Variants in CCDC102A observed in about 807,000 individuals in gnomAD.
CCDC102A encodes coiled-coil domain-containing protein 102A.
CCDC102A carries 40 observed loss-of-function variants against 55.5 expected under a neutral mutation model. That is an observed-to-expected ratio of 0.72 (90% CI 0.56 to 0.94). The LOEUF (loss-of-function observed/expected upper bound fraction) is 0.94, where lower values mean the gene tolerates loss of function less well. Ranked by LOEUF, CCDC102A falls within the 40% of genes least tolerant of loss-of-function variation. The pLI, the probability that CCDC102A is intolerant of heterozygous loss-of-function variation, is 0.00. For missense variants in CCDC102A, 779 were observed against 768.6 expected, an observed-to-expected ratio of 1.01 and a Z score of -0.16; for synonymous variants, 323 against 339.0, an observed-to-expected ratio of 0.95 and a Z score of 0.52.
Position 57,516,908 on chromosome 16 carries a change from C to G in CCDC102A, c.1249-445G>C, listed in dbSNP as rs1474482479. ...GAAGGGCAGCCAGCAAAAGAGATGC[C>G]CACCCTGGAGCTCTGTGAGTTCTCT... On this transcript the variant is annotated intron_variant, in intron 6 of 8. Transcript: ENST00000258214. This position sits in a 1 kb window ranked among gnomAD's most constrained non-coding sequence, Gnocchi z 4.4. Among the ~76,000 whole-genome samples, 1 of 152,120 alleles carries G rather than the reference C, an allele frequency of 6.6e-6. No homozygotes were observed. The highest frequency in any genetic ancestry group is 1.5e-5 in the Non-Finnish European group (1 of 68,022).
chr16:57,518,812 G>T, intron 4 of CCDC102A, 71 bp from the exon 5 acceptor site: 1 of 1,257,220 alleles, frequency 8.0e-7, no homozygotes, highest in Non-Finnish European at 1.1e-6. Flanking sequence ...CCGGGGGTGG[G>T]CGCCAGTGCA....
chr16:57,522,020 G>A (rs1162823686), intron 3 of CCDC102A, among the ~76,000 whole-genome samples: 1 of 152,214 alleles, frequency 6.6e-6, no homozygotes. Flanking sequence ...CAGGGTGCCT[G>A]ACTCCCTGCA....
chr16:57,526,179 G>T (rs1200853773), intron 2 of CCDC102A, 52 bp from the exon 3 acceptor site: 7 of 1,381,780 alleles, frequency 5.1e-6, no homozygotes, highest in Non-Finnish European at 6.8e-6. Context: ...CCAGGCCCTG[G>T]GTCTGAGATC....
rs903801327 is a variant in CCDC102A at position 57,521,926 on chromosome 16, G to A, written c.813-750C>T. Among the ~76,000 whole-genome samples, 9 of 152,136 alleles carry A rather than the reference G, an allele frequency of 5.9e-5. 1 individual carries two copies. The South Asian group carries it at 8.3e-4, about 14-fold the overall frequency. On this transcript the variant is annotated intron_variant, in intron 3 of 8. Transcript: ENST00000258214. ...ACATGGGGTTCCCAGAGGGGACAAC[G>A]TCACCCTGTAGGAGGCATGTTGAAA...
chr16:57,525,807 C>T, intron 3 of CCDC102A, 94 bp downstream of exon 3: 8 of 1,119,562 alleles, frequency 7.1e-6, no homozygotes, highest in Non-Finnish European at 1.0e-5. Context: ...TAAACACTAC[C>T]TGTCATCTTC....
chr16:57,520,855 G>T (rs2032037087), intron 4 of CCDC102A, among the ~76,000 whole-genome samples: 1 of 150,798 alleles, frequency 6.6e-6, no homozygotes, highest in African/African-American at 2.4e-5. Context: ...CAGGAGAATC[G>T]CTTGAACCCG....
Position 57,528,987 on chromosome 16 carries a change from A to AGCAGCGCGGGCGCGGGGGGCAGGG in CCDC102A, c.167_190dup (p.Pro56_Leu63dup). ...GCGGCTCTCCCAGTCGCCGTCGGCC[A>AGCAGCGCGGGCGCGGGGGGCAGGG]GCAGCGCGGGCGCGGGGGGCAGGGG... On this transcript the variant is annotated inframe_insertion, in exon 2 of 9. Transcript: ENST00000258214. The AGCAGCGCGGGCGCGGGGGGCAGGG allele has an allele frequency of 8.3e-7, 1 of 1,203,580 alleles. No individual in the cohort carries two copies. The allele number at this position is 1,203,580 out of a possible 1,614,324, so 74.6% of individuals were successfully genotyped here. A position where few individuals can be genotyped will look rare whatever the true frequency, so the allele number is the denominator to read the frequency against.
rs1229592138 is a variant in CCDC102A, at chr16:57,516,954, G to A, written c.1249-491C>T. Among the ~76,000 whole-genome samples the A allele has an allele frequency of 1.3e-5, 2 of 152,134 alleles. No individual in the cohort carries two copies. Among genetic ancestry groups the A allele is most frequent in the Non-Finnish European group, 2.9e-5 (2 of 68,026 alleles). On this transcript the variant is annotated intron_variant, in intron 6 of 8. Coordinates refer to ENST00000258214, the MANE Select transcript of CCDC102A (RefSeq NM_033212.4). The surrounding 1 kb of genome is among the most constrained non-coding windows in gnomAD (Gnocchi z 4.4). ...TCTCTAAGCCTCAGTTTCCATTTCTGTAAAATGGGAATAGGCATTGCCTAA... is the reference window on the plus strand; with the variant it reads ...TCTCTAAGCCTCAGTTTCCATTTCTATAAAATGGGAATAGGCATTGCCTAA...
chr16:57,524,943 C>T lies in CCDC102A; in HGVS notation c.812+958G>A, dbSNP rs149782975. Among the ~76,000 whole-genome samples, 1,077 of 152,218 alleles carry T rather than the reference C, an allele frequency of 7.1e-3. 15 individuals carry two copies. Among genetic ancestry groups the T allele is most frequent in the African/African-American group, 0.025 (1,045 of 41,532 alleles). On this transcript the variant is annotated intron_variant, in intron 3 of 8. Transcript: ENST00000258214. ...TTTCTTGTGGTTCCCCTTCCCAGCC[C>T]GGCTCCCTTCTCTTGTCTCCTCTGC...
chr16:57,518,950 A>C (rs1371884521), intron 4 of CCDC102A, among the ~76,000 whole-genome samples: 2 of 152,180 alleles, frequency 1.3e-5, no homozygotes, highest in Non-Finnish European at 2.9e-5. Flanking sequence ...CTAGCCTCCC[A>C]GTGTCTACTC....
intron 2 of CCDC102A, 27 bp downstream of exon 2, chr16:57,528,566 C>A: frequency 8.3e-7 from 1 of 1,208,032 alleles, no homozygotes; most frequent in South Asian, 2.6e-5. Context: ...GAGACTGGAG[C>A]GCGAACGCCC....
Position 57,518,699 on chromosome 16 carries a change from T to C in CCDC102A, c.964A>G (p.Met322Val). The C allele has an allele frequency of 6.2e-7, 1 of 1,612,846 alleles. No individual in the cohort carries two copies. Among genetic ancestry groups the C allele is most frequent in the East Asian group, 2.2e-5 (1 of 44,848 alleles). ...KEAHQDELGRMSEDLEDELGA... is the reference protein window; with the variant it reads ...KEAHQDELGRVSEDLEDELGA... ...AGCTCATCTTCCAGGTCCTCAGACATGCGGCCCAGCTCGTCCTGGTGCGCC... is the reference window on the plus strand; with the variant it reads ...AGCTCATCTTCCAGGTCCTCAGACACGCGGCCCAGCTCGTCCTGGTGCGCC... The change falls in exon 5 of 9, where the codon ATG becomes GTG. Residue 322 changes from methionine to valine, a missense_variant. Met to Val is a conservative substitution (Grantham distance 21, BLOSUM62 1). Coordinates refer to ENST00000258214, the MANE Select transcript of CCDC102A (RefSeq NM_033212.4).
Position 57,528,692 on chromosome 16 carries a change from G to C in CCDC102A, c.486C>G (p.Gly162=). Residue 162 remains glycine, a synonymous_variant, in exon 2 of 9, where the codon GGC becomes GGG. Transcript: ENST00000258214. ...ARGRELARLR[G]ARGVADQTRD... ...GCGTCTGGTCGGCGACCCCCCGGGC[G>C]CCCCTCAGCCGCGCCAGCTCGCGGC... The C allele has an allele frequency of 8.9e-7, 1 of 1,121,882 alleles. No homozygotes were observed. Among genetic ancestry groups the C allele is most frequent in the Non-Finnish European group, 1.1e-6 (1 of 913,706 alleles). The allele number at this position is 1,121,882 out of a possible 1,614,324, so 69.5% of individuals were successfully genotyped here.
At chr16:57,519,076 C>G (rs2032005293) in intron 4 of CCDC102A, among the ~76,000 whole-genome samples, 1 of 152,150 alleles carries the variant, frequency 6.6e-6, no homozygotes, top group Non-Finnish European at 1.5e-5. Context: ...CTCCCAGGTG[C>G]CTTAGGGTAA....
At chr16:57,523,059 C>T (rs905986195) in intron 3 of CCDC102A, among the ~76,000 whole-genome samples, 1 of 151,772 alleles carries the variant, frequency 6.6e-6, no homozygotes, top group Non-Finnish European at 1.5e-5. Flanking sequence ...CCTAGCTACT[C>T]GGGAGGCTGA....
chr16:57,514,838 G>A (rs1446686236), intron 8 of CCDC102A, among the ~76,000 whole-genome samples: 1 of 152,182 alleles, frequency 6.6e-6, no homozygotes, highest in Admixed American at 6.5e-5. Flanking sequence ...CTGGTTCTGT[G>A]ATTCACAGAG....
In CCDC102A at chr16:57,518,223, C is replaced by T; in HGVS notation, c.1093G>A (p.Glu365Lys). The change falls in exon 6 of 9, where the codon GAG (glutamate) becomes AAG (lysine). Residue 365 changes from glutamate to lysine, a missense_variant. By Grantham distance (56) the Glu-to-Lys change is moderately conservative (BLOSUM62 1). Coordinates refer to ENST00000258214, the MANE Select transcript of CCDC102A (RefSeq NM_033212.4). ...CGCTCAAGGCCCAGTTTCTCTGTCT[C>T]CAGCCGCTCCCGGCGGCCCCACTCC... is the stretch of plus-strand genomic sequence containing the variant. Reference protein sequence around the residue: ...AAEWGRRERLETEKLGLEREN... With the variant: ...AAEWGRRERLKTEKLGLEREN... 1 of 1,612,272 alleles carries T rather than the reference C, an allele frequency of 6.2e-7. No individual in the cohort carries two copies. Among genetic ancestry groups the T allele is most frequent in the Non-Finnish European group, 8.5e-7 (1 of 1,179,934 alleles).
In CCDC102A at chr16:57,528,707, C is replaced by T. The variant is rs1264163794; in HGVS notation, c.471G>A (p.Leu157=). Residue 157 remains leucine (L), a synonymous_variant, in exon 2 of 9, where the codon CTG becomes CTA. Coordinates refer to ENST00000258214, the MANE Select transcript of CCDC102A (RefSeq NM_033212.4). ...QGECEARGRE[L]ARLRGARGVA... ...CCCCCCGGGCGCCCCTCAGCCGCGCCAGCTCGCGGCCCCGTGCCTCGCACT... is the reference window on the plus strand; with the variant it reads ...CCCCCCGGGCGCCCCTCAGCCGCGCTAGCTCGCGGCCCCGTGCCTCGCACT... The T allele has an allele frequency of 1.4e-5, 16 of 1,124,208 alleles. No individual in the cohort carries two copies. The Admixed American group carries it at 5.1e-4, about 36-fold the overall frequency. 69.6% of individuals were successfully genotyped at this position (1,124,208 alleles called of 1,614,324 possible).
At chr16:57,518,873 G>T in intron 4 of CCDC102A, 132 bp from the exon 5 acceptor site, 1 of 661,138 alleles carries the variant, frequency 1.5e-6, no homozygotes, top group East Asian at 2.8e-5. Context: ...CAGGCACCAG[G>T]TATTCCAAAC....
Sources: allele counts gnomAD v4.1 joint callset (sites outside exome capture counted in the v4.1 genomes callset), GRCh38; gene constraint gnomAD v4.1.1; non-coding constraint Gnocchi (gnomAD v3.1); transcripts MANE v1.5; gene names NCBI Gene and HGNC (gene_info 2026-07-23, HGNC 2026-07-21).